Variants in SLC9A1 observed in about 807,000 individuals in gnomAD.
SLC9A1 encodes solute carrier family 9 member A1.
SLC9A1 carries 22 observed loss-of-function variants against 67.9 expected under a neutral mutation model. The ratio of observed to expected loss-of-function variants is 0.32; its 90% CI spans 0.23 to 0.46. The LOEUF is 0.46. SLC9A1 is among the 20% of genes least tolerant of loss of function. The probability of loss-of-function intolerance (pLI) is 1.00; values close to 1 mark genes in which losing one functional copy is unlikely to be tolerated. For synonymous variants in SLC9A1, 421 were observed against 471.8 expected (o/e 0.89, Z 1.40); for missense variants, 686 against 1,094.8 (o/e 0.63, Z 5.27).
At chr1:27,138,269 G>C (rs960316931) in intron 1 of SLC9A1, among the ~76,000 whole-genome samples, 1 of 152,188 alleles carries the variant, frequency 6.6e-6, no homozygotes, top group Non-Finnish European at 1.5e-5. Flanking sequence ...CAGGGGCCCT[G>C]GTCTTTGGAA....
rs2083426216 is a variant in SLC9A1 at position 27,137,292 on chromosome 1, T to C, written c.352+16691A>G. Among the ~76,000 whole-genome samples the C allele has an allele frequency of 6.6e-6, 1 of 152,176 alleles. No homozygotes were observed. The highest frequency in any genetic ancestry group is 2.1e-4 in the South Asian group (1 of 4,832). On this transcript the variant is annotated intron_variant, in intron 1 of 11. Transcript: ENST00000263980. This position sits in a 1 kb window ranked among gnomAD's most constrained non-coding sequence, Gnocchi z 4.6. ...GTGGGAAGAAGGACCACTTATAGCATCACAGGAGAGCCTGGACTAGAGGTC... is the reference window on the plus strand; with the variant it reads ...GTGGGAAGAAGGACCACTTATAGCACCACAGGAGAGCCTGGACTAGAGGTC...
intron 1 of SLC9A1, among the ~76,000 whole-genome samples, chr1:27,146,496 C>A (rs974314609): frequency 1.3e-5 from 2 of 152,182 alleles, no homozygotes; most frequent in Admixed American, 1.3e-4. Context: ...ACTGAAAAGG[C>A]CCTTGGAATC....
chr1:27,102,638 C>G, intron 7 of SLC9A1, 35 bp downstream of exon 7: 1 of 1,611,858 alleles, frequency 6.2e-7, no homozygotes, highest in Non-Finnish European at 8.5e-7. Context: ...CCCTTGCCTG[C>G]CCCTCCCTGC....
Position 27,118,522 on chromosome 1 carries a change from C to T in SLC9A1, c.353-4236G>A, listed in dbSNP as rs548773703. On this transcript the variant is annotated intron_variant, in intron 1 of 11. Coordinates refer to ENST00000263980, the MANE Select transcript of SLC9A1 (RefSeq NM_003047.5). The surrounding 1 kb of genome is among the most constrained non-coding windows in gnomAD (Gnocchi z 4.3). ...CCACAAAGAGCAGGATGCTTGCTGACACCCGGTGTGGTGAAAGGGGCACAG... is the reference window on the plus strand; with the variant it reads ...CCACAAAGAGCAGGATGCTTGCTGATACCCGGTGTGGTGAAAGGGGCACAG... Among the ~76,000 whole-genome samples, 45 of 152,302 alleles carry T rather than the reference C, an allele frequency of 3.0e-4. No homozygotes were observed. Among genetic ancestry groups the T allele is most frequent in the African/African-American group, 1.1e-3 (44 of 41,570 alleles).
At position 27,151,314 on chromosome 1, in the gene SLC9A1, C is replaced by T. The variant is rs991780498; in HGVS notation, c.352+2669G>A. ...TGTGCATTTATTTATGTAATAATCA[C>T]ATTAATAGCACTATAACTGGATACT... On this transcript the variant is annotated intron_variant, in intron 1 of 11. Transcript: ENST00000263980. Among the ~76,000 whole-genome samples, 3 of 152,178 alleles carry T rather than the reference C, an allele frequency of 2.0e-5. No homozygotes were observed. In the South Asian group the frequency reaches 6.2e-4, roughly 31 times the overall value.
intron 1 of SLC9A1, among the ~76,000 whole-genome samples, chr1:27,125,050 C>T (rs1331686235): frequency 6.6e-6 from 1 of 151,914 alleles, no homozygotes; most frequent in Non-Finnish European, 1.5e-5. Context: ...CTCCTTTCTT[C>T]CTCTCACTCC....
At chr1:27,125,723 T>C (rs2083339063) in intron 1 of SLC9A1, among the ~76,000 whole-genome samples, 1 of 152,188 alleles carries the variant, frequency 6.6e-6, no homozygotes, top group African/African-American at 2.4e-5. Flanking sequence ...GCCTCCTGCG[T>C]AGCTGGGACT....
rs2083283768 is a variant in SLC9A1, at chr1:27,118,145, A to G, written c.353-3859T>C. ...CTCCAGAGTACCTGGGGCTGGAGCCATGTTCCTGGAGCTGGTTTCCCTGGC... is the reference window on the plus strand; with the variant it reads ...CTCCAGAGTACCTGGGGCTGGAGCCGTGTTCCTGGAGCTGGTTTCCCTGGC... On this transcript the variant is annotated intron_variant, in intron 1 of 11. Transcript: ENST00000263980. The surrounding 1 kb of genome is among the most constrained non-coding windows in gnomAD (Gnocchi z 4.3). Among the ~76,000 whole-genome samples the G allele has an allele frequency of 6.6e-6, 1 of 152,102 alleles. No homozygotes were observed. The highest frequency in any genetic ancestry group is 2.1e-4 in the South Asian group (1 of 4,832).
chr1:27,154,131 G>T lies in SLC9A1; in HGVS notation c.204C>A (p.Thr68=). The change falls in exon 1 of 12, where the codon ACC becomes ACA. Residue 68 remains threonine (T), a synonymous_variant. Coordinates refer to ENST00000263980, the MANE Select transcript of SLC9A1 (RefSeq NM_003047.5). ...AATGATTAACAGGGCGGCTCTCTGG[G>T]GTGACCTCCGGTGGAGCGGTGGTGA... ...GDVTTAPPEV[T]PESRPVNHSV... 6.2e-7 allele frequency: 1 copy of T among 1,614,156 alleles called. No individual in the cohort carries two copies. Among genetic ancestry groups the T allele is most frequent in the Admixed American group, 1.7e-5 (1 of 60,020 alleles).
At chr1:27,116,229 G>A (rs1391786465) in intron 1 of SLC9A1, among the ~76,000 whole-genome samples, 1 of 152,062 alleles carries the variant, frequency 6.6e-6, no homozygotes, top group Admixed American at 6.6e-5. Flanking sequence ...GCGTGGTGGT[G>A]GGTGCTTGTA....
intron 1 of SLC9A1, among the ~76,000 whole-genome samples, chr1:27,150,554 A>AG (rs1358267542): frequency 6.6e-6 from 1 of 152,154 alleles, no homozygotes; most frequent in Non-Finnish European, 1.5e-5. Flanking sequence ...GAATGCACCT[A>AG]ACTCCTAAGG....
At position 27,100,465 on chromosome 1, in the gene SLC9A1, T is replaced by A. The variant is rs1423375458; in HGVS notation, c.2290A>T (p.Met764Leu). The part of the protein sequence containing the change: ...EDEDDDGGIM[M>L]RSKETSSPGT... ...GGGGACGAAGTCTCCTTGCTCCGCA[T>A]CATGATGCCCCCATCGTCGTCCTCG... The change falls in exon 12 of 12, where the codon ATG becomes TTG. Residue 764 changes from methionine to leucine, a missense_variant. Around this residue, in one of 7 missense-constraint regions of SLC9A1, gnomAD observed 226 missense variants for 282.4 expected, o/e 0.80. Coordinates refer to ENST00000263980, the MANE Select transcript of SLC9A1 (RefSeq NM_003047.5). This position sits in a 1 kb window ranked among gnomAD's most constrained non-coding sequence, Gnocchi z 5.6. 6.2e-7 allele frequency: 1 copy of A among 1,613,932 alleles called. No individual in the cohort carries two copies. The highest frequency in any genetic ancestry group is 8.5e-7 in the Non-Finnish European group (1 of 1,179,944).
rs771790615 is a variant in SLC9A1 at position 27,109,484 on chromosome 1, C to T, written c.1064+43G>A. ...GGGGAATCCAAGCTGGCAGCCCCCG[C>T]CCCCACCCCGCCAAGCCCACTGCCT... On this transcript the variant is annotated intron_variant, in intron 3 of 11. Transcript: ENST00000263980. The surrounding 1 kb of genome is among the most constrained non-coding windows in gnomAD (Gnocchi z 5.5). 5 of 1,599,060 alleles carry T rather than the reference C, an allele frequency of 3.1e-6. No individual in the cohort carries two copies. Among genetic ancestry groups the T allele is most frequent in the Non-Finnish European group, 4.3e-6 (5 of 1,174,370 alleles).
intron 1 of SLC9A1, among the ~76,000 whole-genome samples, chr1:27,121,646 A>C (rs2083305486): frequency 6.6e-6 from 1 of 152,156 alleles, no homozygotes; most frequent in Admixed American, 6.5e-5. Context: ...CAGCCTCAGC[A>C]ACCCTGGCAC....
At chr1:27,122,135 AC>A (rs1473191909) in intron 1 of SLC9A1, among the ~76,000 whole-genome samples, 1 of 151,888 alleles carries the variant, frequency 6.6e-6, no homozygotes, top group Non-Finnish European at 1.5e-5. Context: ...AAACGAACAA[AC>A]AAAAAACCCC....
chr1:27,150,356 G>A, intron 1 of SLC9A1, among the ~76,000 whole-genome samples: 1 of 152,208 alleles, frequency 6.6e-6, no homozygotes, highest in Admixed American at 6.6e-5. Flanking sequence ...ATGAATACCT[G>A]CTTTATGGGC....
Position 27,118,336 on chromosome 1 carries a change from TCTAGGG to T in SLC9A1, c.353-4056_353-4051del, listed in dbSNP as rs1450178897. ...AGGTGGCACATTATTGGAAAGCACT[TCTAGGG>T]CTGGGGGAGGAAGGGATTCTGTCAT... On this transcript the variant is annotated intron_variant, in intron 1 of 11. Transcript: ENST00000263980. The surrounding 1 kb of genome is among the most constrained non-coding windows in gnomAD (Gnocchi z 4.3). Among the ~76,000 whole-genome samples, 1 of 152,130 alleles carries T rather than the reference TCTAGGG, an allele frequency of 6.6e-6. No individual in the cohort carries two copies. The highest frequency in any genetic ancestry group is 2.4e-5 in the African/African-American group (1 of 41,426).
At chr1:27,108,861 T>C (rs1487153160) in intron 3 of SLC9A1, among the ~76,000 whole-genome samples, 1 of 152,150 alleles carries the variant, frequency 6.6e-6, no homozygotes, top group Non-Finnish European at 1.5e-5. Flanking sequence ...CCTGGGTTCA[T>C]TCCCCTCAAG....
intron 1 of SLC9A1, among the ~76,000 whole-genome samples, chr1:27,131,439 C>CAAAAAAAAAAA (rs35954506): frequency 3.6e-5 from 1 of 27,486 alleles, no homozygotes; most frequent in African/African-American, 1.7e-4. Flanking sequence ...ACTAAAAATA[C>CAAAAAAAAAAA]AAAAAAAAAA....
Sources: gnomAD v4.1 joint callset for allele counts (sites outside exome capture counted in the v4.1 genomes callset) on GRCh38, gnomAD v4.1.1 for gene constraint, gnomAD v4.1.1 regional missense constraint, Gnocchi (gnomAD v3.1) non-coding constraint, MANE v1.5 for transcripts, NCBI Gene and HGNC (gene_info 2026-07-23, HGNC 2026-07-21) for gene names.